The following RET variants were observed in gnomAD, a reference collection of about 807,000 sequenced individuals.
The protein encoded by RET is ret proto-oncogene.
A neutral mutation model predicts 118.3 loss-of-function variants in RET; 19 were observed. That is an observed-to-expected ratio of 0.16 (90% CI 0.11 to 0.24). The LOEUF is 0.24. RET is among the 10% of genes least tolerant of loss of function. The pLI, the probability that RET is intolerant of heterozygous loss-of-function variation, is 1.00. For synonymous variants in RET, 597 were observed against 644.1 expected (o/e 0.93, Z 1.11); for missense variants, 1,219 against 1,502.1 (o/e 0.81, Z 3.12).
intron 19 of RET, 137 bp downstream of exon 19, chr10:43,126,859 T>C (rs1180421928): frequency 6.8e-7 from 1 of 1,467,638 alleles, no homozygotes; most frequent in Non-Finnish European, 9.0e-7. Flanking sequence ...TATTTGTAAA[T>C]GTCTGACTTT....
chr10:43,112,329 C>G (rs1837959059), intron 8 of RET, 105 bp downstream of exon 8: 1 of 1,494,254 alleles, frequency 6.7e-7, no homozygotes, highest in South Asian at 1.2e-5. Context: ...TGCTCCAGGT[C>G]TGCTTCTGGC....
chr10:43,092,718 G>T (rs1416421285), intron 1 of RET, among the ~76,000 whole-genome samples: 4 of 152,218 alleles, frequency 2.6e-5, no homozygotes, highest in Non-Finnish European at 5.9e-5. Context: ...GGCTCCTCAG[G>T]CACTGATAGA....
chr10:43,106,828 C>A lies in RET; in HGVS notation c.1063+257C>A, dbSNP rs539001199. 6.6e-6 allele frequency among the ~76,000 whole-genome samples: 1 copy of A among 152,216 alleles called. No homozygotes were observed. The highest frequency in any genetic ancestry group is 1.5e-5 in the Non-Finnish European group (1 of 68,032). ...ACCCTGGCAGGGCCCCACCACACCCCCCTGCTGACCTCACCAGGGCTCACC... is the reference window on the plus strand; with the variant it reads ...ACCCTGGCAGGGCCCCACCACACCCACCTGCTGACCTCACCAGGGCTCACC... On this transcript the variant is annotated intron_variant, in intron 5 of 19. Transcript: ENST00000355710. This position sits in a 1 kb window ranked among gnomAD's most constrained non-coding sequence, Gnocchi z 5.1.
chr10:43,089,981 G>A (rs1837377523), intron 1 of RET, among the ~76,000 whole-genome samples: 1 of 152,252 alleles, frequency 6.6e-6, no homozygotes, highest in Non-Finnish European at 1.5e-5. Context: ...GAGAGGACAG[G>A]GATGGCCATG....
At chr10:43,089,698 G>A (rs1368154146) in intron 1 of RET, among the ~76,000 whole-genome samples, 2 of 152,216 alleles carry the variant, frequency 1.3e-5, no homozygotes, top group Non-Finnish European at 2.9e-5. Context: ...CACACACAGG[G>A]AGGCGTGGAG....
rs1328724775 is a variant in RET at position 43,124,954 on chromosome 10, A to C, written c.3011A>C (p.Asp1004Ala). 1 of 1,614,196 alleles carries C rather than the reference A, an allele frequency of 6.2e-7. No individual in the cohort carries two copies. The highest frequency in any genetic ancestry group is 1.1e-5 in the South Asian group (1 of 91,084). Residue 1004 changes from aspartate to alanine, a missense_variant, in exon 18 of 20, where the codon GAC becomes GCC. By Grantham distance (126) the Asp-to-Ala change is moderately radical. Around this residue, in one of 5 missense-constraint regions of RET, gnomAD observed 174 missense variants for 179.3 expected, o/e 0.97. Transcript: ENST00000355710. The part of the protein sequence containing the change: ...KRPVFADISK[D>A]LEKMMVKRRD... Reference sequence around the variant, plus strand: ...CCGGTGTTTGCGGACATCAGCAAAGACCTGGAGAAGATGATGGTTAAGAGG... The same window carrying C: ...CCGGTGTTTGCGGACATCAGCAAAGCCCTGGAGAAGATGATGGTTAAGAGG...
Position 43,124,979 on chromosome 10 carries a change from G to A in RET, c.3036G>A (p.Arg1012=), listed in dbSNP as rs1196348217. The A allele has an allele frequency of 2.5e-6, 4 of 1,614,158 alleles. No homozygotes were observed. The highest frequency in any genetic ancestry group is 3.3e-5 in the Admixed American group (2 of 60,032). The change falls in exon 18 of 20, where the codon AGG becomes AGA. Residue 1012 remains arginine, a synonymous_variant. Transcript: ENST00000355710. ...SKDLEKMMVK[R]RDYLDLAAST... is the part of the protein sequence containing the mutation. ...ACCTGGAGAAGATGATGGTTAAGAG[G>A]AGAGTGAGTGCCTGGGTCCAATTCC...
At chr10:43,086,530 G>T (rs1418040967) in intron 1 of RET, among the ~76,000 whole-genome samples, 1 of 152,228 alleles carries the variant, frequency 6.6e-6, no homozygotes, top group Non-Finnish European at 1.5e-5. Flanking sequence ...CGTTGCCCCA[G>T]GCCAGGGCCA....
chr10:43,109,368 G>A, intron 6 of RET, 138 bp downstream of exon 6: 1 of 891,746 alleles, frequency 1.1e-6, no homozygotes, highest in Non-Finnish European at 1.8e-6. Flanking sequence ...AGGGCCAGGA[G>A]GTACAGCTGT....
intron 15 of RET, 138 bp downstream of exon 15, chr10:43,120,341 T>C (rs1838187382): frequency 2.4e-6 from 3 of 1,264,734 alleles, no homozygotes; most frequent in South Asian, 2.7e-5. Flanking sequence ...ACCCCAAATC[T>C]TTCTGACCCT....
intron 1 of RET, among the ~76,000 whole-genome samples, chr10:43,079,288 A>G (rs570988775): frequency 2.0e-5 from 3 of 152,158 alleles, no homozygotes; most frequent in African/African-American, 7.2e-5. Context: ...ACCCTGCCTC[A>G]CCCACGTCCA....
chr10:43,084,952 C>G (rs1224097563), intron 1 of RET, among the ~76,000 whole-genome samples: 4 of 152,180 alleles, frequency 2.6e-5, no homozygotes, highest in Admixed American at 1.3e-4. Context: ...CATCCTGAAC[C>G]CTGACTCTAA....
At chr10:43,100,423 C>G (rs1837611783) in intron 1 of RET, 36 bp from the exon 2 acceptor site, 1 of 1,592,732 alleles carries the variant, frequency 6.3e-7, no homozygotes, top group Non-Finnish European at 8.6e-7. Flanking sequence ...AAGCCTTATT[C>G]TCACCATCCC....
chr10:43,082,771 A>T (rs908858728), intron 1 of RET, among the ~76,000 whole-genome samples: 6 of 152,212 alleles, frequency 3.9e-5, no homozygotes, highest in African/African-American at 1.4e-4. Context: ...TGTTCCTGAG[A>T]GGGAAAAAGG....
chr10:43,090,574 G>A (rs556642900), intron 1 of RET, among the ~76,000 whole-genome samples: 4 of 152,242 alleles, frequency 2.6e-5, no homozygotes, highest in East Asian at 1.9e-4. Context: ...GGCCACATGC[G>A]TGCACCATGG....
At chr10:43,118,240 C>G in intron 12 of RET, 133 bp from the exon 13 acceptor site, 1 of 748,304 alleles carries the variant, frequency 1.3e-6, no homozygotes, top group Non-Finnish European at 2.4e-6. Flanking sequence ...GGAGAAGCCT[C>G]AAGCAGCATC....
chr10:43,125,411 G>A (rs1260321287), intron 18 of RET, among the ~76,000 whole-genome samples: 1 of 152,236 alleles, frequency 6.6e-6, no homozygotes, highest in Non-Finnish European at 1.5e-5. Context: ...CCCCTCCAAA[G>A]GGTTCCTTGC....
chr10:43,082,319 G>A (rs1837202703), intron 1 of RET, among the ~76,000 whole-genome samples: 1 of 152,208 alleles, frequency 6.6e-6, no homozygotes, highest in South Asian at 2.1e-4. Context: ...GGGAGCAGGT[G>A]GCCAGCTCCA....
intron 1 of RET, among the ~76,000 whole-genome samples, chr10:43,097,466 T>C (rs1837545021): frequency 6.6e-6 from 1 of 151,920 alleles, no homozygotes; most frequent in South Asian, 2.1e-4. Context: ...ACCCCTAGCA[T>C]CCTCTCTGGG....
Sources: allele counts gnomAD v4.1 joint callset (sites outside exome capture counted in the v4.1 genomes callset), GRCh38; gene constraint gnomAD v4.1.1; regional missense constraint gnomAD v4.1.1; non-coding constraint Gnocchi (gnomAD v3.1); transcripts MANE v1.5; gene names NCBI Gene and HGNC (gene_info 2026-07-23, HGNC 2026-07-21).